SNX29: variants seen among roughly 807,000 people sequenced by gnomAD.
SNX29 encodes the protein sorting nexin-29.
SNX29 carries 78 observed loss-of-function variants against 102.1 expected under a neutral mutation model. That is an observed-to-expected ratio of 0.76 (90% CI 0.64 to 0.92). The LOEUF (loss-of-function observed/expected upper bound fraction) is 0.92, where lower values mean the gene tolerates loss of function less well. Among genes scored for constraint, SNX29 ranks in the 40% least tolerant of loss-of-function variants. The pLI is 0.00. For missense variants in SNX29, 1,280 were observed against 1,061.7 expected (o/e 1.21, Z -2.86); for synonymous variants, 580 against 414.5 (o/e 1.40, Z -4.85).
chr16:12,549,070 A>C (rs185699973), intron 20 of SNX29, among the ~76,000 whole-genome samples: 2 of 152,230 alleles, frequency 1.3e-5, no homozygotes, highest in Non-Finnish European at 2.9e-5. Flanking sequence ...GGCAGGCATC[A>C]TAGTGTTCGG....
Position 12,572,112 on chromosome 16 carries a change from ACAGCCCT to A in SNX29, c.*3484_*3490del. 2 of 1,048,526 alleles carry A rather than the reference ACAGCCCT, an allele frequency of 1.9e-6. No homozygotes were observed. Among genetic ancestry groups the A allele is most frequent in the South Asian group, 4.6e-5 (1 of 21,630 alleles). 65.0% of individuals were successfully genotyped at this position (1,048,526 alleles called of 1,614,324 possible). ...GGAGGGATGTGGACTGGGTCTGATC[ACAGCCCT>A]TGGCCCTGCTTCATACTTTGGAGCT... is the stretch of plus-strand genomic sequence containing the variant. On this transcript the variant is annotated 3_prime_UTR_variant, in exon 21 of 21. Transcript: ENST00000566228.
At chr16:12,077,005 G>C (rs906900397) in intron 10 of SNX29, among the ~76,000 whole-genome samples, 2 of 152,210 alleles carry the variant, frequency 1.3e-5, no homozygotes, top group African/African-American at 4.8e-5. Flanking sequence ...TAGGCATGGT[G>C]GCCCATGCCT....
At chr16:12,452,756 C>A (rs535210671) in intron 18 of SNX29, among the ~76,000 whole-genome samples, 11 of 152,168 alleles carry the variant, frequency 7.2e-5, no homozygotes, top group African/African-American at 2.6e-4. Context: ...GGAGAGGAGC[C>A]GGGTGGTGAA....
chr16:12,487,921 T>C (rs749131687), intron 19 of SNX29, among the ~76,000 whole-genome samples: 10 of 152,168 alleles, frequency 6.6e-5, no homozygotes, highest in Non-Finnish European at 1.0e-4. Flanking sequence ...ATCCCACATT[T>C]GTGTTTCTCT....
At chr16:12,526,484 G>A (rs78768715) in intron 20 of SNX29, 19,159 of 486,912 alleles carry the variant, frequency 0.039, 702 homozygotes, top group South Asian at 0.11. Context: ...GTGCCTTTTT[G>A]TCCTGAATAG....
chr16:12,535,552 T>C (rs1195392429), intron 20 of SNX29, among the ~76,000 whole-genome samples: 1 of 152,186 alleles, frequency 6.6e-6, no homozygotes, highest in Non-Finnish European at 1.5e-5. Context: ...AGCTGGGACG[T>C]GGCAGCATGG....
At chr16:12,069,249 C>A in intron 10 of SNX29, 117 bp downstream of exon 10, 1 of 821,754 alleles carries the variant, frequency 1.2e-6, no homozygotes, top group Non-Finnish European at 1.9e-6. Flanking sequence ...CAAGGGTTTA[C>A]TTCACATTTA....
chr16:12,083,308 A>AAG (rs2052002386), intron 11 of SNX29, among the ~76,000 whole-genome samples: 1 of 151,480 alleles, frequency 6.6e-6, no homozygotes, highest in African/African-American at 2.4e-5. Flanking sequence ...TATGTCTCAA[A>AAG]AAAAAAAAAA....
chr16:12,069,601 A>T (rs1567178443), intron 10 of SNX29, among the ~76,000 whole-genome samples: 2 of 152,050 alleles, frequency 1.3e-5, no homozygotes, highest in Non-Finnish European at 2.9e-5. Context: ...AGGGTCTTAG[A>T]TCATTACTGC....
intron 20 of SNX29, among the ~76,000 whole-genome samples, chr16:12,564,007 C>T (rs560829267): frequency 2.8e-4 from 42 of 152,288 alleles, no homozygotes; most frequent in Admixed American, 2.4e-3. Flanking sequence ...CACCCTCTTC[C>T]CCCAGGGTAG....
intron 10 of SNX29, among the ~76,000 whole-genome samples, chr16:12,073,064 TC>T (rs1417272299): frequency 1.3e-5 from 2 of 152,108 alleles, no homozygotes; most frequent in Non-Finnish European, 2.9e-5. Flanking sequence ...TCTCTTTTTT[TC>T]TTTATTAGTC....
At chr16:12,432,480 A>G (rs1451136105) in intron 18 of SNX29, among the ~76,000 whole-genome samples, 1 of 152,146 alleles carries the variant, frequency 6.6e-6, no homozygotes, top group Non-Finnish European at 1.5e-5. Flanking sequence ...TCTTCTGGAG[A>G]AAAGGTGGCC....
Position 12,212,386 on chromosome 16 carries a change from C to A in SNX29, c.1678+12703C>A, listed in dbSNP as rs557418205. ...GTGTAGACTGGACCTGCTCTTTGTCCTTGAAGGCTACTTCGTCCATGGTAG... is the reference window on the plus strand; with the variant it reads ...GTGTAGACTGGACCTGCTCTTTGTCATTGAAGGCTACTTCGTCCATGGTAG... On this transcript the variant is annotated intron_variant, in intron 14 of 20. Transcript: ENST00000566228. 2.2e-4 allele frequency among the ~76,000 whole-genome samples: 34 copies of A among 152,212 alleles called. No homozygotes were observed. In the South Asian group the frequency reaches 6.6e-3, roughly 30 times the overall value.
At chr16:12,495,060 C>A (rs2088749685) in intron 19 of SNX29, among the ~76,000 whole-genome samples, 1 of 152,256 alleles carries the variant, frequency 6.6e-6, no homozygotes, top group African/African-American at 2.4e-5. Context: ...CTCTTTCTTG[C>A]CTCAGGACCT....
At chr16:12,555,863 T>A (rs535951025) in intron 20 of SNX29, among the ~76,000 whole-genome samples, 1 of 152,262 alleles carries the variant, frequency 6.6e-6, no homozygotes, top group East Asian at 1.9e-4. Context: ...TCCATCATTT[T>A]CTCCAGAGGC....
intron 11 of SNX29, among the ~76,000 whole-genome samples, chr16:12,124,433 G>A (rs2054118612): frequency 6.6e-6 from 1 of 151,992 alleles, no homozygotes; most frequent in South Asian, 2.1e-4. Context: ...ACAAACAATG[G>A]ACCAGTTTTT....
intron 6 of SNX29, 71 bp from the exon 7 acceptor site, chr16:12,048,301 G>T: frequency 5.6e-6 from 9 of 1,607,198 alleles, no homozygotes; most frequent in Non-Finnish European, 6.0e-6. Flanking sequence ...GTTGTCTGCA[G>T]CTGTCTTCTC....
At chr16:12,562,624 C>G (rs903734488) in intron 20 of SNX29, among the ~76,000 whole-genome samples, 1 of 152,212 alleles carries the variant, frequency 6.6e-6, no homozygotes, top group African/African-American at 2.4e-5. Context: ...GAGCTACAGG[C>G]TATCAGGGTC....
chr16:12,550,047 G>A (rs952774380), intron 20 of SNX29, among the ~76,000 whole-genome samples: 14 of 152,236 alleles, frequency 9.2e-5, no homozygotes, highest in Non-Finnish European at 2.1e-4. Flanking sequence ...CCTCCCTGGA[G>A]CCTAGTATGT....
Sources: gnomAD v4.1 joint callset for allele counts (sites outside exome capture counted in the v4.1 genomes callset) on GRCh38, gnomAD v4.1.1 for gene constraint, MANE v1.5 for transcripts, NCBI Gene and HGNC (gene_info 2026-07-23, HGNC 2026-07-21) for gene names.